The following PC variants were observed in gnomAD, a reference collection of about 807,000 sequenced individuals.
The protein encoded by PC is pyruvate carboxylase, mitochondrial.
Under a neutral mutation model 107.8 loss-of-function variants are expected in PC, and 46 were observed. The ratio of observed to expected loss-of-function variants is 0.43; its 90% confidence interval spans 0.34 to 0.55. The LOEUF is 0.55. PC is among the 20% of genes least tolerant of loss of function. PC has a pLI of 0.04. For synonymous variants in PC, 662 were observed against 684.7 expected (o/e 0.97, Z 0.52); for missense variants, 1,241 against 1,643.1 (o/e 0.76, Z 4.23).
At chr11:66,883,224 G>A (rs1200155220) in intron 3 of PC, among the ~76,000 whole-genome samples, 1 of 152,192 alleles carries the variant, frequency 6.6e-6, no homozygotes, top group Non-Finnish European at 1.5e-5. Context: ...GTGGACTGGG[G>A]GACAAAGGGG....
chr11:66,873,432 AT>A (rs1342294506), intron 3 of PC, among the ~76,000 whole-genome samples: 2 of 84,438 alleles, frequency 2.4e-5, no homozygotes, highest in Non-Finnish European at 4.2e-5. Context: ...TATTATATAT[AT>A]TATATATTAT....
intron 9 of PC, among the ~76,000 whole-genome samples, chr11:66,869,917 T>C (rs1036634352): frequency 6.6e-6 from 1 of 152,196 alleles, no homozygotes; most frequent in Admixed American, 6.5e-5. Context: ...CAGAAGCACA[T>C]GAGGGAGGAC....
chr11:66,897,364 A>C (rs1381470385), intron 3 of PC, among the ~76,000 whole-genome samples: 1 of 152,236 alleles, frequency 6.6e-6, no homozygotes, highest in Non-Finnish European at 1.5e-5. Context: ...TGAGGCCAAG[A>C]GTTCGTCACC....
chr11:66,876,158 C>T (rs1270860569), intron 3 of PC, among the ~76,000 whole-genome samples: 1 of 152,160 alleles, frequency 6.6e-6, no homozygotes, highest in Non-Finnish European at 1.5e-5. Flanking sequence ...GACAACGATA[C>T]AATTTAAATA....
intron 3 of PC, among the ~76,000 whole-genome samples, chr11:66,911,708 T>C (rs1471939936): frequency 6.6e-6 from 1 of 152,150 alleles, no homozygotes; most frequent in African/African-American, 2.4e-5. Flanking sequence ...TTGAAAAGAA[T>C]ACAAACTCAG....
chr11:66,928,843 G>A (rs944026068), intron 3 of PC, among the ~76,000 whole-genome samples: 4 of 151,972 alleles, frequency 2.6e-5, no homozygotes, highest in African/African-American at 9.7e-5. Context: ...TACTTATTAT[G>A]GGCAATTTCA....
intron 3 of PC, among the ~76,000 whole-genome samples, chr11:66,912,399 C>T (rs1948358417): frequency 6.6e-6 from 1 of 152,246 alleles, no homozygotes; most frequent in Non-Finnish European, 1.5e-5. Context: ...GAAGACACTC[C>T]TTGCTGGCCT....
Position 66,858,193 on chromosome 11 carries a change from T to C in PC, c.1369-4810A>G. ...GACTTCCTAGAGAGCCTGGAGGACC[T>C]GGACCTGTCCTACAACAACCTCCGG... On this transcript the variant is annotated intron_variant, in intron 12 of 22. Transcript: ENST00000393960. This position sits in a 1 kb window ranked among gnomAD's most constrained non-coding sequence, Gnocchi z 5.9. 2 of 1,612,272 alleles carry C rather than the reference T, an allele frequency of 1.2e-6. No individual in the cohort carries two copies. Among genetic ancestry groups the C allele is most frequent in the Non-Finnish European group, 1.7e-6 (2 of 1,179,734 alleles).
In PC at chr11:66,851,119, C is replaced by T. The variant is rs758589916; in HGVS notation, c.2144G>A (p.Arg715His). The T allele has an allele frequency of 1.2e-5, 19 of 1,612,814 alleles. No homozygotes were observed. Among genetic ancestry groups the T allele is most frequent in the Middle Eastern group, 1.6e-4 (1 of 6,062 alleles). The change falls in exon 17 of 23, where the codon CGC becomes CAC. Residue 715 changes from arginine (R) to histidine (H), a missense_variant. By Grantham distance (29) the Arg-to-His change is conservative. Transcript: ENST00000393960. ...GTAGTACTGCAGTGAGTACTTGGTGCGGCTGGGGTCGGCCACGTCGCCCGT... is the reference window on the plus strand; with the variant it reads ...GTAGTACTGCAGTGAGTACTTGGTGTGGCTGGGGTCGGCCACGTCGCCCGT... ...SYTGDVADPS[R>H]TKYSLQYYMG...
chr11:66,906,447 G>A (rs1948166824), intron 3 of PC, among the ~76,000 whole-genome samples: 1 of 152,110 alleles, frequency 6.6e-6, no homozygotes, highest in African/African-American at 2.4e-5. Flanking sequence ...ACAGAGAAAG[G>A]CACCACCTGA....
chr11:66,861,410 G>T (rs1946249397), intron 12 of PC, among the ~76,000 whole-genome samples: 2 of 152,252 alleles, frequency 1.3e-5, no homozygotes, highest in Admixed American at 1.3e-4. Context: ...TGTTTTCTGT[G>T]TGAGGGCCAA....
chr11:66,848,747 C>T lies in PC; in HGVS notation c.*152G>A, dbSNP rs1195949037. On this transcript the variant is annotated 3_prime_UTR_variant, in exon 23 of 23. Transcript: ENST00000393960. ...AGGACGATGGCTGAAAGGAATGAACCACCGCAGGCGGTGTCTCTCCTGTCC... is the reference window on the plus strand; with the variant it reads ...AGGACGATGGCTGAAAGGAATGAACTACCGCAGGCGGTGTCTCTCCTGTCC... The T allele has an allele frequency of 3.4e-6, 3 of 875,672 alleles. No individual in the cohort carries two copies. The highest frequency in any genetic ancestry group is 2.9e-5 in the South Asian group (2 of 70,026). The allele number at this position is 875,672 out of a possible 1,614,324, so 54.2% of individuals were successfully genotyped here. A position where few individuals can be genotyped will look rare whatever the true frequency, so the allele number is the denominator to read the frequency against.
chr11:66,848,667 A>AG lies in PC; in HGVS notation c.*231dup. On this transcript the variant is annotated 3_prime_UTR_variant, in exon 23 of 23. Transcript: ENST00000393960. Reference sequence around the variant, plus strand: ...CCACCACTTGTAGTCTCCAGTGAGGAGGGGACCCTTATTTGGCAAGAGATG... The same window carrying AG: ...CCACCACTTGTAGTCTCCAGTGAGGAGGGGGACCCTTATTTGGCAAGAGATG... The AG allele has an allele frequency of 3.2e-6, 2 of 627,804 alleles. No homozygotes were observed. Among genetic ancestry groups the AG allele is most frequent in the South Asian group, 3.7e-5 (2 of 53,346 alleles). The allele number at this position is 627,804 out of a possible 1,614,324, so 38.9% of individuals were successfully genotyped here.
rs368096991 is a variant in PC, at chr11:66,870,896, C to T, written c.634-4G>A. The T allele has an allele frequency of 8.1e-6, 13 of 1,611,388 alleles. No individual in the cohort carries two copies. Among genetic ancestry groups the T allele is most frequent in the African/African-American group, 1.3e-5 (1 of 74,914 alleles). ...GGGTGTAATTCTCCTCCAGCTCCTG[C>T]GAGGGCGGGCAGGGGCCAGCCAGAC... On this transcript the variant is annotated splice_polypyrimidine_tract_variant and splice_region_variant and intron_variant, in intron 7 of 22. Coordinates refer to ENST00000393960, the MANE Select transcript of PC (RefSeq NM_001040716.2). The surrounding 1 kb of genome is among the most constrained non-coding windows in gnomAD (Gnocchi z 6.1).
chr11:66,858,741 A>G lies in PC; in HGVS notation c.1368+5033T>C. On this transcript the variant is annotated intron_variant, in intron 12 of 22. Transcript: ENST00000393960. This position sits in a 1 kb window ranked among gnomAD's most constrained non-coding sequence, Gnocchi z 5.9. ...CTCCTCCCGAGCCCGGGCTTTCCCC[A>G]ACGGGACCTTAGAGATTGGGGTGAC... The G allele has an allele frequency of 1.3e-6, 2 of 1,554,410 alleles. No homozygotes were observed. The highest frequency in any genetic ancestry group is 1.7e-6 in the Non-Finnish European group (2 of 1,148,946).
At chr11:66,861,907 A>G (rs948632468) in intron 12 of PC, among the ~76,000 whole-genome samples, 2 of 151,958 alleles carry the variant, frequency 1.3e-5, no homozygotes, top group Non-Finnish European at 2.9e-5. Context: ...GCAGAAGCCC[A>G]CCTCTAGCTG....
At chr11:66,906,208 G>GCATT (rs1218379361) in intron 3 of PC, among the ~76,000 whole-genome samples, 1 of 152,178 alleles carries the variant, frequency 6.6e-6, no homozygotes, top group Non-Finnish European at 1.5e-5. Context: ...TAAAAAGTAT[G>GCATT]CATTCATTCA....
rs777627776 is a variant in PC, at chr11:66,850,387, T to C, written c.2551A>G (p.Thr851Ala). Residue 851 changes from threonine to alanine, a missense_variant, in exon 19 of 23, where the codon ACG becomes GCG. Around this residue, in one of 2 missense-constraint regions of PC, gnomAD observed 1,143 missense variants for 1,551.9 expected, o/e 0.74. Transcript: ENST00000393960. ...GAGTTGCCAGACTTCATGGTGGCCG[T>C]GCAGTCGAAGGCCGCGTACAGTCCC... ...ARGLYAAFDC[T>A]ATMKSGNSDV... 24 of 1,613,948 alleles carry C rather than the reference T, an allele frequency of 1.5e-5. 1 individual carries two copies. In the South Asian group the frequency reaches 2.5e-4, roughly 17 times the overall value.
At chr11:66,923,884 C>A (rs1198585432) in intron 3 of PC, among the ~76,000 whole-genome samples, 51 of 111,004 alleles carry the variant, frequency 4.6e-4, no homozygotes, top group Admixed American at 8.8e-4. Context: ...GACCTCAAGG[C>A]AAAAAAAAAA....
Sources: allele counts gnomAD v4.1 joint callset (sites outside exome capture counted in the v4.1 genomes callset), GRCh38; gene constraint gnomAD v4.1.1; regional missense constraint gnomAD v4.1.1; non-coding constraint Gnocchi (gnomAD v3.1); transcripts MANE v1.5; gene names NCBI Gene and HGNC (gene_info 2026-07-23, HGNC 2026-07-21).